Variants in FBN1 observed in about 807,000 individuals in gnomAD.
FBN1 encodes fibrillin 1.
FBN1 carries 29 observed loss-of-function variants against 365.1 expected under a neutral mutation model. That is an observed-to-expected ratio of 0.08 (90% confidence interval 0.06 to 0.11). The LOEUF (loss-of-function observed/expected upper bound fraction) is 0.11, where lower values mean the gene tolerates loss of function less well. FBN1 is among the 10% of genes least tolerant of loss of function. The pLI is 1.00. For missense variants in FBN1, 2,476 were observed against 3,703.2 expected, an observed-to-expected ratio of 0.67 and a Z score of 8.60; for synonymous variants, 1,210 against 1,270.5, an observed-to-expected ratio of 0.95 and a Z score of 1.01.
chr15:48,634,295 C>T (rs895894268), intron 2 of FBN1, among the ~76,000 whole-genome samples: 9 of 152,162 alleles, frequency 5.9e-5, no homozygotes, highest in Non-Finnish European at 1.2e-4. Flanking sequence ...CCACTGCATT[C>T]CTCTAAATGT....
intron 6 of FBN1, among the ~76,000 whole-genome samples, chr15:48,574,566 A>AT (rs2044331035): frequency 7.0e-6 from 1 of 143,786 alleles, no homozygotes. Context: ...TTGCCCATTC[A>AT]AAAAAAAAAA....
In FBN1 at chr15:48,470,672, A is replaced by G. The variant is rs375670968; in HGVS notation, c.4421T>C (p.Ile1474Thr). The change falls in exon 36 of 66, where the codon ATA (isoleucine) becomes ACA (threonine). Residue 1474 changes from isoleucine (I) to threonine (T), a missense_variant. Coordinates refer to ENST00000316623, the MANE Select transcript of FBN1 (RefSeq NM_000138.5). Reference sequence around the variant, plus strand: ...GCCGCTTCTGTCCAGTTCGTAGCCTATCTCACACTCACAGCGGAACAGGCC... The same window carrying G: ...GCCGCTTCTGTCCAGTTCGTAGCCTGTCTCACACTCACAGCGGAACAGGCC... ...LPGLFRCECEIGYELDRSGGN... is the reference protein window; with the variant it reads ...LPGLFRCECETGYELDRSGGN... The G allele has an allele frequency of 2.5e-6, 4 of 1,613,938 alleles. No homozygotes were observed. The African/African-American group carries it at 5.3e-5, about 22-fold the overall frequency.
chr15:48,515,391 A>G lies in FBN1; in HGVS notation c.1464T>C (p.Cys488=). Residue 488 remains cysteine (C), a synonymous_variant, in exon 12 of 66, where the codon TGT becomes TGC. Coordinates refer to ENST00000316623, the MANE Select transcript of FBN1 (RefSeq NM_000138.5). ...KGFQLDLRGE[C]IDVDECEKNP... ...AACCTAGGATGGATCACGTACCAAT[A>G]CACTCCCCACGGAGGTCCAGCTGGA... The G allele has an allele frequency of 6.2e-7, 1 of 1,613,928 alleles. No individual in the cohort carries two copies.
chr15:48,421,348 C>T (rs2042939748), intron 62 of FBN1, among the ~76,000 whole-genome samples: 1 of 152,048 alleles, frequency 6.6e-6, no homozygotes, highest in African/African-American at 2.4e-5. Flanking sequence ...TCTTGATATA[C>T]TTAGGAAAGG....
chr15:48,633,988 ATAAC>A (rs1355647336), intron 2 of FBN1, among the ~76,000 whole-genome samples: 1 of 152,232 alleles, frequency 6.6e-6, no homozygotes, highest in African/African-American at 2.4e-5. Flanking sequence ...CTGTCCTACT[ATAAC>A]TAATTTATAA....
Position 48,464,186 on chromosome 15 carries a change from T to C in FBN1, c.4943-165A>G, listed in dbSNP as rs140156011. Among the ~76,000 whole-genome samples the C allele has an allele frequency of 4.2e-3, 643 of 152,330 alleles. 5 individuals carry two copies. Among genetic ancestry groups the C allele is most frequent in the Middle Eastern group, 6.8e-3 (2 of 294 alleles). On this transcript the variant is annotated intron_variant, in intron 40 of 65. Transcript: ENST00000316623. The stretch of plus-strand genomic sequence containing the variant: ...CATCCGTGTCCTCTCTCTGTGTAAA[T>C]GTGTGCCTTTTGAGGAAAGAGGGTT...
At chr15:48,645,510 C>G (rs919861855) in intron 1 of FBN1, 65 bp downstream of exon 1, 2 of 152,752 alleles carry the variant, frequency 1.3e-5, no homozygotes, top group Admixed American at 1.3e-4. Context: ...ACGCAAAAGC[C>G]TCCGTGGCCG....
chr15:48,599,470 A>G (rs1049063055), intron 5 of FBN1, among the ~76,000 whole-genome samples: 2 of 151,796 alleles, frequency 1.3e-5, no homozygotes, highest in African/African-American at 4.8e-5. Flanking sequence ...ATCACGAATA[A>G]TTTTACTTTT....
chr15:48,462,558 C>T (rs1246306621), intron 42 of FBN1, among the ~76,000 whole-genome samples: 1 of 63,236 alleles, frequency 1.6e-5, no homozygotes, highest in Non-Finnish European at 3.0e-5. Context: ...TTGCTTATTT[C>T]AGGCAAGTGT....
Position 48,496,339 on chromosome 15 carries a change from A to C in FBN1, c.2294-114T>G. The C allele has an allele frequency of 3.1e-6, 4 of 1,296,556 alleles. No homozygotes were observed. The Admixed American group carries it at 7.2e-5, about 23-fold the overall frequency. The allele number at this position is 1,296,556 out of a possible 1,614,324, so 80.3% of individuals were successfully genotyped here. A position where few individuals can be genotyped will look rare whatever the true frequency, so the allele number is the denominator to read the frequency against. On this transcript the variant is annotated intron_variant, in intron 19 of 65. Transcript: ENST00000316623. ...TAACGACGTGATCAATTCAAGCAAAAAGGCAAAACTCCTGTAGCATTAGCT... is the reference window on the plus strand; with the variant it reads ...TAACGACGTGATCAATTCAAGCAAACAGGCAAAACTCCTGTAGCATTAGCT...
rs75400759 is a variant in FBN1, at chr15:48,509,954, A to T, written c.1714+90T>A. The stretch of plus-strand genomic sequence containing the variant: ...TATATAAAACATATTTGATACTTTG[A>T]CATTTCACTCATTATTTGGTCTTGT... On this transcript the variant is annotated intron_variant, in intron 14 of 65. Transcript: ENST00000316623. 3,381 of 1,340,754 alleles carry T rather than the reference A, an allele frequency of 2.5e-3. 72 individuals carry two copies. The African/African-American group carries it at 0.045, about 18-fold the overall frequency. The allele number at this position is 1,340,754 out of a possible 1,614,324, so 83.1% of individuals were successfully genotyped here.
chr15:48,499,071 CTTGT>C, intron 17 of FBN1, 33 bp from the exon 18 acceptor site: 1 of 1,610,338 alleles, frequency 6.2e-7, no homozygotes, highest in Non-Finnish European at 8.5e-7. Context: ...AAATGATTCC[CTTGT>C]TTGCAGAACA....
At chr15:48,463,300 CA>C in intron 41 of FBN1, 60 bp from the exon 42 acceptor site, 3 of 1,509,000 alleles carry the variant, frequency 2.0e-6, no homozygotes, top group Non-Finnish European at 1.8e-6. Flanking sequence ...GAAATCACAA[CA>C]AATTTCTAAG....
At chr15:48,507,427 A>C (rs2043719454) in intron 15 of FBN1, among the ~76,000 whole-genome samples, 1 of 152,194 alleles carries the variant, frequency 6.6e-6, no homozygotes, top group African/African-American at 2.4e-5. Flanking sequence ...ACAGGGCTCA[A>C]AAGTACAGAA....
chr15:48,494,186 A>T lies in FBN1; in HGVS notation c.2728+18T>A, dbSNP rs751336956. ...TTATGCACACAAAAATGTATGGTTTATAAGTAATCAGAAATACCTTCACAT... is the reference window on the plus strand; with the variant it reads ...TTATGCACACAAAAATGTATGGTTTTTAAGTAATCAGAAATACCTTCACAT... On this transcript the variant is annotated intron_variant, in intron 23 of 65. Transcript: ENST00000316623. The T allele has an allele frequency of 3.1e-6, 5 of 1,592,876 alleles. No individual in the cohort carries two copies. The highest frequency in any genetic ancestry group is 4.3e-6 in the Non-Finnish European group (5 of 1,160,924).
At chr15:48,472,775 C>T (rs1328559237) in intron 34 of FBN1, 99 bp from the exon 35 acceptor site, 74 of 1,539,152 alleles carry the variant, frequency 4.8e-5, no homozygotes, top group Admixed American at 1.9e-4. Context: ...TTTGGCATAA[C>T]TTCAATTTGA....
intron 38 of FBN1, among the ~76,000 whole-genome samples, chr15:48,467,386 A>G (rs1403054001): frequency 6.6e-6 from 1 of 152,236 alleles, no homozygotes; most frequent in Non-Finnish European, 1.5e-5. Context: ...TTGCCAAAGA[A>G]GCTACATCTA....
intron 24 of FBN1, among the ~76,000 whole-genome samples, chr15:48,490,940 C>G (rs1336596822): frequency 6.6e-6 from 1 of 152,202 alleles, no homozygotes; most frequent in African/African-American, 2.4e-5. Flanking sequence ...TCTTCCTTCT[C>G]TTTCTCCTTC....
At chr15:48,587,394 G>C (rs1188196518) in intron 6 of FBN1, among the ~76,000 whole-genome samples, 1 of 152,182 alleles carries the variant, frequency 6.6e-6, no homozygotes, top group Non-Finnish European at 1.5e-5. Context: ...TCCTGCTTCA[G>C]ACAGAAATTG....
Sources: allele counts gnomAD v4.1 joint callset (sites outside exome capture counted in the v4.1 genomes callset), GRCh38; gene constraint gnomAD v4.1.1; transcripts MANE v1.5; gene names NCBI Gene and HGNC (gene_info 2026-07-23, HGNC 2026-07-21).